Variants in CNOT6L observed in about 807,000 individuals in gnomAD.
CNOT6L encodes CCR4-NOT transcription complex subunit 6 like.
CNOT6L carries 7 observed loss-of-function variants against 64.0 expected under a neutral mutation model. The ratio of observed to expected loss-of-function variants is 0.11; its 90% confidence interval spans 0.06 to 0.21. CNOT6L has a LOEUF of 0.21. Among genes scored for constraint, CNOT6L ranks in the 10% least tolerant of loss-of-function variants. The probability of loss-of-function intolerance (pLI) is 1.00; values close to 1 mark genes in which losing one functional copy is unlikely to be tolerated. For missense variants in CNOT6L, 245 were observed against 669.0 expected (o/e 0.37, Z 6.99); for synonymous variants, 193 against 243.4 (o/e 0.79, Z 1.93).
intron 4 of CNOT6L, among the ~76,000 whole-genome samples, chr4:77,764,724 A>G (rs1726622831): frequency 6.6e-6 from 1 of 152,168 alleles, no homozygotes; most frequent in Non-Finnish European, 1.5e-5. Context: ...CGGAATTATG[A>G]ATGGCTCTCA....
intron 1 of CNOT6L, among the ~76,000 whole-genome samples, chr4:77,800,367 C>G (rs1560434005): frequency 6.6e-6 from 1 of 151,586 alleles, no homozygotes; most frequent in South Asian, 2.1e-4. Context: ...TTAAAGTAGC[C>G]AGGCACAGTA....
intron 4 of CNOT6L, among the ~76,000 whole-genome samples, chr4:77,768,766 C>T (rs1480801446): frequency 1.3e-5 from 2 of 150,624 alleles, no homozygotes; most frequent in African/African-American, 4.8e-5. Context: ...AACTCATACT[C>T]AATAACTGAC....
At position 77,771,665 on chromosome 4, in the gene CNOT6L, A is replaced by G. The variant is rs867930478; in HGVS notation, c.400+1416T>C. On this transcript the variant is annotated intron_variant, in intron 4 of 11. Coordinates refer to ENST00000504123, the MANE Select transcript of CNOT6L (RefSeq NM_144571.3). ...TTCAAACCATTCATATAATTGTCTA[A>G]TTTATGAAACTGAATAAGGAAACCT... Among the ~76,000 whole-genome samples the G allele has an allele frequency of 2.6e-5, 4 of 152,378 alleles. No homozygotes were observed. In the South Asian group the frequency reaches 8.3e-4, roughly 32 times the overall value.
At chr4:77,728,011 A>T (rs943378132) in intron 10 of CNOT6L, among the ~76,000 whole-genome samples, 1 of 152,182 alleles carries the variant, frequency 6.6e-6, no homozygotes, top group African/African-American at 2.4e-5. Flanking sequence ...TACAAAATTT[A>T]GCATATGCTT....
At chr4:77,779,065 AAAAAAAAACAC>A (rs1560419954) in intron 1 of CNOT6L, among the ~76,000 whole-genome samples, 12 of 102,988 alleles carry the variant, frequency 1.2e-4, no homozygotes, top group Non-Finnish European at 1.7e-4. Context: ...AAAAAAAACA[AAAAAAAAACAC>A]AAAAAACACA....
intron 6 of CNOT6L, 69 bp downstream of exon 6, chr4:77,748,247 A>G: frequency 9.7e-7 from 1 of 1,034,916 alleles, no homozygotes; most frequent in South Asian, 1.3e-5. Context: ...TATTTATTAC[A>G]GATCATGAAG....
At chr4:77,792,328 A>C (rs1730252204) in intron 1 of CNOT6L, among the ~76,000 whole-genome samples, 1 of 152,194 alleles carries the variant, frequency 6.6e-6, no homozygotes, top group Admixed American at 6.6e-5. Context: ...CAGTTTGAAC[A>C]ATCAGCAAAT....
chr4:77,799,641 T>C (rs539160304), intron 1 of CNOT6L, among the ~76,000 whole-genome samples: 12 of 147,640 alleles, frequency 8.1e-5, no homozygotes, highest in Non-Finnish European at 1.5e-4. Flanking sequence ...GAGGCAGAGG[T>C]TGCAGTGAGC....
chr4:77,759,085 G>A (rs750390970), intron 4 of CNOT6L, among the ~76,000 whole-genome samples: 32 of 152,048 alleles, frequency 2.1e-4, no homozygotes, highest in South Asian at 6.2e-4. Context: ...CAGAAAGAGA[G>A]ATTAGAGAGA....
At chr4:77,776,860 C>T (rs1728200961) in intron 1 of CNOT6L, among the ~76,000 whole-genome samples, 1 of 152,340 alleles carries the variant, frequency 6.6e-6, no homozygotes. Context: ...AACCGCAGAA[C>T]TCATTCTATG....
At chr4:77,803,732 C>A (rs1248837544) in intron 1 of CNOT6L, among the ~76,000 whole-genome samples, 1 of 152,090 alleles carries the variant, frequency 6.6e-6, no homozygotes, top group Non-Finnish European at 1.5e-5. Context: ...GGAGAAACCC[C>A]ATCTCCACCA....
intron 1 of CNOT6L, among the ~76,000 whole-genome samples, chr4:77,804,840 A>G (rs1468160881): frequency 1.3e-5 from 2 of 152,244 alleles, no homozygotes; most frequent in Non-Finnish European, 2.9e-5. Context: ...TCAAATGAAA[A>G]AAAAGCAAAT....
intron 1 of CNOT6L, among the ~76,000 whole-genome samples, chr4:77,787,638 C>A (rs11727993): frequency 6.6e-6 from 1 of 152,170 alleles, no homozygotes; most frequent in South Asian, 2.1e-4. Context: ...CAAACTCTTC[C>A]TTGAAACTCA....
In CNOT6L at chr4:77,778,253, T is replaced by C. The variant is rs1165854912; in HGVS notation, c.6-1861A>G. On this transcript the variant is annotated intron_variant, in intron 1 of 11. Transcript: ENST00000504123. ...TGTCTCTTTGGGTACTTTTGGGTAA[T>C]AATAAAAGAGTCTACAAAAAAATAC... Among the ~76,000 whole-genome samples the C allele has an allele frequency of 3.3e-5, 5 of 152,078 alleles. No individual in the cohort carries two copies. The South Asian group carries it at 6.2e-4, about 19-fold the overall frequency.
chr4:77,798,417 T>C (rs1731125290), intron 1 of CNOT6L, among the ~76,000 whole-genome samples: 1 of 152,102 alleles, frequency 6.6e-6, no homozygotes, highest in African/African-American at 2.4e-5. Flanking sequence ...TAAAGAACTG[T>C]CAAAATTCAG....
chr4:77,767,970 A>C (rs992559569), intron 4 of CNOT6L, among the ~76,000 whole-genome samples: 5 of 140,010 alleles, frequency 3.6e-5, no homozygotes, highest in African/African-American at 5.3e-5. Context: ...ACAGAGCGAG[A>C]CTTTGTCCCC....
chr4:77,791,925 T>A (rs1730196408), intron 1 of CNOT6L, among the ~76,000 whole-genome samples: 1 of 152,168 alleles, frequency 6.6e-6, no homozygotes, highest in Non-Finnish European at 1.5e-5. Context: ...ACTTGAAGCA[T>A]AAATATATTC....
At chr4:77,756,998 G>A (rs1029049796) in intron 4 of CNOT6L, 47 bp from the exon 5 acceptor site, 2 of 946,016 alleles carry the variant, frequency 2.1e-6, no homozygotes, top group African/African-American at 3.3e-5. Flanking sequence ...ATAACTGCAA[G>A]GCAAGACAGA....
intron 6 of CNOT6L, among the ~76,000 whole-genome samples, chr4:77,747,602 C>CA (rs1204429803): frequency 2.0e-5 from 3 of 151,638 alleles, no homozygotes; most frequent in Non-Finnish European, 2.9e-5. Flanking sequence ...AAAGACATTT[C>CA]GAAAAACGGT....
Sources: gnomAD v4.1 joint callset for allele counts (sites outside exome capture counted in the v4.1 genomes callset) on GRCh38, gnomAD v4.1.1 for gene constraint, MANE v1.5 for transcripts, NCBI Gene and HGNC (gene_info 2026-07-23, HGNC 2026-07-21) for gene names.